AADACL4: variants seen among roughly 807,000 people sequenced by gnomAD.
AADACL4 encodes arylacetamide deacetylase-like 4.
Under a neutral mutation model 14.1 loss-of-function variants are expected in AADACL4, and 9 were observed. That is an observed-to-expected ratio of 0.64 (90% CI 0.39 to 1.12). The LOEUF (loss-of-function observed/expected upper bound fraction) is 1.12, where lower values mean the gene tolerates loss of function less well. Among genes scored for constraint, AADACL4 ranks in the 50% most tolerant of loss-of-function variants. AADACL4 has a pLI of 0.01. For missense variants in AADACL4, 531 were observed against 516.1 expected, an observed-to-expected ratio of 1.03 and a Z score of -0.28; for synonymous variants, 188 against 201.6, an observed-to-expected ratio of 0.93 and a Z score of 0.57.
At chr1:12,648,605 G>A (rs1398875767) in intron 1 of AADACL4, among the ~76,000 whole-genome samples, 4 of 144,360 alleles carry the variant, frequency 2.8e-5, no homozygotes, top group African/African-American at 1.0e-4. Context: ...GTTTCTTCAT[G>A]TTGTCCAGGC....
chr1:12,650,739 G>T (rs916349035), intron 1 of AADACL4, among the ~76,000 whole-genome samples: 1 of 152,102 alleles, frequency 6.6e-6, no homozygotes, highest in Non-Finnish European at 1.5e-5. Flanking sequence ...CACCATGTCG[G>T]CCAGAATGGT....
At chr1:12,663,938 T>C (rs1398559731) in intron 3 of AADACL4, among the ~76,000 whole-genome samples, 2 of 152,208 alleles carry the variant, frequency 1.3e-5, no homozygotes, top group Non-Finnish European at 2.9e-5. Flanking sequence ...TGGGTGATAA[T>C]TGTTTCCTAG....
intron 1 of AADACL4, among the ~76,000 whole-genome samples, chr1:12,649,787 G>A (rs1480967735): frequency 6.6e-6 from 1 of 152,178 alleles, no homozygotes; most frequent in Non-Finnish European, 1.5e-5. Context: ...GGGAAGCTCA[G>A]AGACAAATTG....
rs771273687 is a variant in AADACL4, at chr1:12,666,710, T to C, written c.1199T>C (p.Val400Ala). Residue 400 changes from valine (V) to alanine (A), a missense_variant, in exon 4 of 4, where the codon GTA (valine) becomes GCA (alanine). Coordinates refer to ENST00000376221, the MANE Select transcript of AADACL4 (RefSeq NM_001013630.2). ...FPCSLKIVNAVVSYIKGI is the reference protein window; with the variant it reads ...FPCSLKIVNAAVSYIKGI ...TGTTCCCTGAAGATTGTGAATGCTGTAGTCAGTTATATAAAGGGCATATGA... is the reference window on the plus strand; with the variant it reads ...TGTTCCCTGAAGATTGTGAATGCTGCAGTCAGTTATATAAAGGGCATATGA... 1.2e-5 allele frequency: 20 copies of C among 1,611,394 alleles called. No homozygotes were observed. Among genetic ancestry groups the C allele is most frequent in the Non-Finnish European group, 1.7e-5 (20 of 1,179,796 alleles).
At chr1:12,650,269 A>G (rs534493958) in intron 1 of AADACL4, among the ~76,000 whole-genome samples, 1 of 152,282 alleles carries the variant, frequency 6.6e-6, no homozygotes, top group Non-Finnish European at 1.5e-5. Context: ...AAATATTCAG[A>G]TGTTGAATTG....
chr1:12,662,874 T>G (rs1417162919), intron 3 of AADACL4, among the ~76,000 whole-genome samples: 1 of 152,220 alleles, frequency 6.6e-6, no homozygotes, highest in Non-Finnish European at 1.5e-5. Context: ...AATTCCACCA[T>G]TACAGTCTAT....
chr1:12,659,976 G>A (rs765004218), intron 2 of AADACL4, among the ~76,000 whole-genome samples: 2 of 152,150 alleles, frequency 1.3e-5, no homozygotes, highest in Non-Finnish European at 2.9e-5. Flanking sequence ...GTACCACCAT[G>A]CCTGGCTAAT....
At chr1:12,647,869 G>A (rs570275226) in intron 1 of AADACL4, among the ~76,000 whole-genome samples, 1 of 152,108 alleles carries the variant, frequency 6.6e-6, no homozygotes, top group African/African-American at 2.4e-5. Flanking sequence ...TGTTGCCTAG[G>A]CTGGTCTTGA....
intron 2 of AADACL4, among the ~76,000 whole-genome samples, chr1:12,651,942 C>A (rs1361779518): frequency 2.0e-5 from 3 of 151,624 alleles, no homozygotes; most frequent in African/African-American, 7.3e-5. Context: ...CATTCTCCTG[C>A]CTCAGCCTCC....
intron 2 of AADACL4, among the ~76,000 whole-genome samples, chr1:12,656,978 A>T (rs888324434): frequency 6.6e-6 from 1 of 151,970 alleles, no homozygotes; most frequent in African/African-American, 2.4e-5. Context: ...CCCCTTCTCT[A>T]CAAAAAATAC....
At chr1:12,646,895 G>A (rs758134935) in intron 1 of AADACL4, among the ~76,000 whole-genome samples, 5 of 152,064 alleles carry the variant, frequency 3.3e-5, no homozygotes, top group Admixed American at 6.6e-5. Context: ...ATGTTCATTC[G>A]GTTCCAGAGG....
chr1:12,666,221 A>G lies in AADACL4; in HGVS notation c.710A>G (p.Gln237Arg). The change falls in exon 4 of 4, where the codon CAG becomes CGG. Residue 237 changes from glutamine (Q) to arginine (R), a missense_variant. Transcript: ENST00000376221. ...AFCLQLPSFQ[Q>R]NQNVPLLSRK... ...TGTTTGCAGTTGCCATCCTTTCAGC[A>G]GAACCAAAATGTCCCATTACTTTCC... 1 of 1,614,258 alleles carries G rather than the reference A, an allele frequency of 6.2e-7. No individual in the cohort carries two copies. The highest frequency in any genetic ancestry group is 8.5e-7 in the Non-Finnish European group (1 of 1,180,044).
chr1:12,644,831 A>G lies in AADACL4; in HGVS notation c.168+117A>G, dbSNP rs142323167. On this transcript the variant is annotated intron_variant, in intron 1 of 3. Coordinates refer to ENST00000376221, the MANE Select transcript of AADACL4 (RefSeq NM_001013630.2). ...GTCTCTCTCTCTTCGGACTCCCTCA[A>G]GATAGACTTGTCTCTTCTGTATCTG... 7.2e-5 allele frequency: 84 copies of G among 1,162,856 alleles called. No homozygotes were observed. The African/African-American group carries it at 1.1e-3, about 15-fold the overall frequency. 72.0% of individuals were successfully genotyped at this position (1,162,856 alleles called of 1,614,324 possible). A position where few individuals can be genotyped will look rare whatever the true frequency, so the allele number is the denominator to read the frequency against.
In AADACL4 at chr1:12,666,316, A is replaced by T; in HGVS notation, c.805A>T (p.Asn269Tyr). 1.2e-6 allele frequency: 2 copies of T among 1,614,170 alleles called. No homozygotes were observed. Among genetic ancestry groups the T allele is most frequent in the Non-Finnish European group, 1.7e-6 (2 of 1,180,050 alleles). The change falls in exon 4 of 4, where the codon AAC becomes TAC. Residue 269 changes from asparagine to tyrosine, a missense_variant. Asn to Tyr is a moderately radical substitution (Grantham distance 143, BLOSUM62 -2). Transcript: ENST00000376221. ...CCTCTCCTGGCGTGACGCCATCTTG[A>T]ACGGCACTTGTGTACCCCCAGACGT... ...IDLSWRDAILNGTCVPPDVWR... is the reference protein window; with the variant it reads ...IDLSWRDAILYGTCVPPDVWR...
chr1:12,646,342 A>T (rs1359361550), intron 1 of AADACL4, among the ~76,000 whole-genome samples: 1 of 152,240 alleles, frequency 6.6e-6, no homozygotes, highest in African/African-American at 2.4e-5. Flanking sequence ...TAATATGTCT[A>T]GAGATGTTTA....
At chr1:12,650,816 C>A (rs1647140647) in intron 1 of AADACL4, among the ~76,000 whole-genome samples, 1 of 152,212 alleles carries the variant, frequency 6.6e-6, no homozygotes, top group Non-Finnish European at 1.5e-5. Context: ...CAGGCGTGAG[C>A]CACTGCGCCC....
intron 3 of AADACL4, among the ~76,000 whole-genome samples, chr1:12,663,515 C>T (rs1647263752): frequency 6.6e-6 from 1 of 152,070 alleles, no homozygotes; most frequent in African/African-American, 2.4e-5. Flanking sequence ...TCCTAAGGCC[C>T]CACTTCCTAA....
At chr1:12,657,416 C>T (rs2257151) in intron 2 of AADACL4, among the ~76,000 whole-genome samples, 5,602 of 152,162 alleles carry the variant, frequency 0.037, 134 homozygotes, top group Middle Eastern at 0.072. Flanking sequence ...CTGACTGGCT[C>T]GCCACAAAGA....
Position 12,651,315 on chromosome 1 carries a change from G to C in AADACL4, c.361G>C (p.Gly121Arg), listed in dbSNP as rs762639372. Reference protein sequence around the residue: ...PRRGIIFYHGGATVFGSLDCY... With the variant: ...PRRGIIFYHGRATVFGSLDCY... Reference sequence around the variant, plus strand: ...GCGAGGCATCATCTTCTACCATGGAGGGGCCACAGTATTTGGGAGCCTGGG... The same window carrying C: ...GCGAGGCATCATCTTCTACCATGGACGGGCCACAGTATTTGGGAGCCTGGG... Residue 121 changes from glycine to arginine, a missense_variant, in exon 2 of 4, where the codon GGG becomes CGG. Gly to Arg is a moderately radical substitution (Grantham distance 125). Coordinates refer to ENST00000376221, the MANE Select transcript of AADACL4 (RefSeq NM_001013630.2). 4.8e-5 allele frequency: 77 copies of C among 1,614,120 alleles called. No individual in the cohort carries two copies. The highest frequency in any genetic ancestry group is 6.4e-5 in the Non-Finnish European group (75 of 1,180,052).
Sources: gnomAD v4.1 joint callset for allele counts (sites outside exome capture counted in the v4.1 genomes callset) on GRCh38, gnomAD v4.1.1 for gene constraint, MANE v1.5 for transcripts, NCBI Gene and HGNC (gene_info 2026-07-23, HGNC 2026-07-21) for gene names.